MYO5B: variants seen among roughly 807,000 people sequenced by gnomAD.
MYO5B encodes unconventional myosin-Vb.
A neutral mutation model predicts 229.3 loss-of-function variants in MYO5B; 143 were observed. The ratio of observed to expected loss-of-function variants is 0.62; its 90% CI spans 0.54 to 0.72. MYO5B has a LOEUF of 0.72. MYO5B is among the 30% of genes least tolerant of loss of function. The pLI is 0.00. For missense variants in MYO5B, 2,321 were observed against 2,331.0 expected (o/e 1.00, Z 0.09); for synonymous variants, 918 against 885.2 (o/e 1.04, Z -0.66).
chr18:49,867,715 G>A (rs991750828), intron 27 of MYO5B, among the ~76,000 whole-genome samples: 3 of 151,980 alleles, frequency 2.0e-5, no homozygotes, highest in Non-Finnish European at 4.4e-5. Context: ...TTTGAATAAG[G>A]GTTCATTGAA....
chr18:50,070,575 A>G (rs1378528192), intron 1 of MYO5B, among the ~76,000 whole-genome samples: 1 of 152,078 alleles, frequency 6.6e-6, no homozygotes, highest in East Asian at 1.9e-4. Context: ...AGCCCTTGAC[A>G]ACAAAAAATT....
In MYO5B at chr18:50,194,929, C is replaced by CA. The variant is rs1418505970; in HGVS notation, c.-137_-136insT. On this transcript the variant is annotated 5_prime_UTR_variant, in exon 1 of 40. Coordinates refer to ENST00000285039, the MANE Select transcript of MYO5B (RefSeq NM_001080467.3). ...CTTCTCGCTCTTCTCCGACCTGCCC[C>CA]GCCGGCTTCCCGCAGGCGCCGCGGC... The CA allele has an allele frequency of 8.5e-7, 1 of 1,176,218 alleles. No homozygotes were observed. Among genetic ancestry groups the CA allele is most frequent in the Non-Finnish European group, 1.1e-6 (1 of 945,286 alleles). The allele number at this position is 1,176,218 out of a possible 1,614,324, so 72.9% of individuals were successfully genotyped here. A position where few individuals can be genotyped will look rare whatever the true frequency, so the allele number is the denominator to read the frequency against.
At chr18:49,961,668 A>G (rs1224791892) in intron 12 of MYO5B, among the ~76,000 whole-genome samples, 1 of 152,226 alleles carries the variant, frequency 6.6e-6, no homozygotes, top group Non-Finnish European at 1.5e-5. Context: ...AGATTAGATG[A>G]ACCCCTATCA....
At chr18:49,865,805 T>C (rs990370338) in intron 27 of MYO5B, among the ~76,000 whole-genome samples, 9 of 152,188 alleles carry the variant, frequency 5.9e-5, no homozygotes, top group Non-Finnish European at 1.3e-4. Context: ...GCCAGGTTGG[T>C]TGAAAGCTCT....
intron 10 of MYO5B, among the ~76,000 whole-genome samples, chr18:49,965,381 C>T (rs2144265636): frequency 6.6e-6 from 1 of 152,006 alleles, no homozygotes; most frequent in East Asian, 1.9e-4. Context: ...GGGCAGAAGC[C>T]TATGAAGAAG....
intron 39 of MYO5B, among the ~76,000 whole-genome samples, chr18:49,829,962 A>G (rs544655416): frequency 4.6e-4 from 70 of 152,318 alleles, no homozygotes; most frequent in African/African-American, 1.7e-3. Context: ...TAACATCACA[A>G]ATATCACACT....
intron 16 of MYO5B, 106 bp from the exon 17 acceptor site, chr18:49,929,704 G>A: frequency 1.0e-6 from 1 of 994,812 alleles, no homozygotes. Flanking sequence ...TGAAGTACCT[G>A]CTGCCACTGA....
At chr18:50,183,048 C>A (rs1237260961) in intron 1 of MYO5B, among the ~76,000 whole-genome samples, 1 of 152,092 alleles carries the variant, frequency 6.6e-6, no homozygotes, top group Non-Finnish European at 1.5e-5. Context: ...AATCTAAAAA[C>A]TACCTATGAC....
rs188601146 is a variant in MYO5B, at chr18:50,057,977, T to C, written c.28-2599A>G. Among the ~76,000 whole-genome samples the C allele has an allele frequency of 1.7e-4, 26 of 152,270 alleles. 1 individual carries two copies. Among genetic ancestry groups the C allele is most frequent in the Admixed American group, 1.7e-3 (26 of 15,302 alleles). ...CAGCTATGGGACAAATCTAGCACAC[T>C]GCCTGTGTTGCCTGTTTTTCTATAG... On this transcript the variant is annotated intron_variant, in intron 1 of 39. Transcript: ENST00000285039.
rs1169722454 is a variant in MYO5B, at chr18:49,912,087, C to T, written c.2177G>A (p.Arg726Lys). The change falls in exon 18 of 40, where the codon AGG becomes AAG. Residue 726 changes from arginine (R) to lysine (K), a missense_variant. Coordinates refer to ENST00000285039, the MANE Select transcript of MYO5B (RefSeq NM_001080467.3). ...CTTGATGAGGTTCTCCAGGACAGAC[C>T]TGCAGATGGCCTTTTTGTCTGTGTT... ...LANTDKKAIC[R>K]SVLENLIKDP... 6.2e-7 allele frequency: 1 copy of T among 1,614,026 alleles called. No individual in the cohort carries two copies. The highest frequency in any genetic ancestry group is 1.7e-5 in the Admixed American group (1 of 60,004).
chr18:49,915,267 A>G (rs1004831173), intron 17 of MYO5B, among the ~76,000 whole-genome samples: 3 of 152,166 alleles, frequency 2.0e-5, no homozygotes, highest in African/African-American at 7.2e-5. Flanking sequence ...AAGTTGTGCA[A>G]CTATCACACC....
chr18:49,915,710 A>T (rs956360541), intron 17 of MYO5B, among the ~76,000 whole-genome samples: 12 of 152,242 alleles, frequency 7.9e-5, no homozygotes, highest in Non-Finnish European at 1.2e-4. Flanking sequence ...TTGATCATGT[A>T]CAATAAATAT....
chr18:49,934,817 A>G (rs1033918389), intron 16 of MYO5B, among the ~76,000 whole-genome samples: 1 of 152,228 alleles, frequency 6.6e-6, no homozygotes, highest in Non-Finnish European at 1.5e-5. Flanking sequence ...TCTGAATGGA[A>G]GCCAAGCTTT....
At chr18:49,855,469 G>A (rs990552013) in intron 30 of MYO5B, among the ~76,000 whole-genome samples, 1 of 152,186 alleles carries the variant, frequency 6.6e-6, no homozygotes, top group Non-Finnish European at 1.5e-5. Flanking sequence ...GGAGAGGCAC[G>A]AGGAATCACC....
At chr18:49,975,047 C>T (rs574268456) in intron 9 of MYO5B, among the ~76,000 whole-genome samples, 5 of 152,320 alleles carry the variant, frequency 3.3e-5, no homozygotes, top group East Asian at 1.9e-4. Context: ...GCAATCCATT[C>T]GGAGTAACGA....
intron 1 of MYO5B, among the ~76,000 whole-genome samples, chr18:50,188,792 A>AC (rs1266300583): frequency 2.2e-4 from 26 of 120,026 alleles, no homozygotes; most frequent in Admixed American, 9.7e-4. Flanking sequence ...TCATAAAAAA[A>AC]AAAAAAAAAA....
At chr18:50,124,229 A>C (rs759136831) in intron 1 of MYO5B, among the ~76,000 whole-genome samples, 1 of 152,256 alleles carries the variant, frequency 6.6e-6, no homozygotes, top group Non-Finnish European at 1.5e-5. Context: ...AGGTTCTGGT[A>C]ACTGAACATT....
At chr18:50,034,893 A>C (rs1240965388) in intron 4 of MYO5B, among the ~76,000 whole-genome samples, 1 of 152,204 alleles carries the variant, frequency 6.6e-6, no homozygotes, top group Non-Finnish European at 1.5e-5. Context: ...GTGGTAAAAC[A>C]AGTATAAACC....
At position 49,956,130 on chromosome 18, in the gene MYO5B, T is replaced by C. The variant is rs79157154; in HGVS notation, c.1546-1695A>G. Reference sequence around the variant, plus strand: ...CATAATTTTCTGACAAGGATCAGTCTCTCCTTTCACTGTCCACCCCACCTC... The same window carrying C: ...CATAATTTTCTGACAAGGATCAGTCCCTCCTTTCACTGTCCACCCCACCTC... On this transcript the variant is annotated intron_variant, in intron 12 of 39. Transcript: ENST00000285039. 2.8e-4 allele frequency among the ~76,000 whole-genome samples: 43 copies of C among 152,278 alleles called. No individual in the cohort carries two copies. The East Asian group carries it at 7.9e-3, about 28-fold the overall frequency.
Sources: gnomAD v4.1 joint callset for allele counts (sites outside exome capture counted in the v4.1 genomes callset) on GRCh38, gnomAD v4.1.1 for gene constraint, MANE v1.5 for transcripts, NCBI Gene and HGNC (gene_info 2026-07-23, HGNC 2026-07-21) for gene names.